The following GALNT18 variants were observed in gnomAD, a reference collection of about 807,000 sequenced individuals.
GALNT18 encodes the protein polypeptide N-acetylgalactosaminyltransferase 18, also known as GalNAc-transferase 18.
Under a neutral mutation model 69.5 loss-of-function variants are expected in GALNT18, and 44 were observed. That is an observed-to-expected ratio of 0.63 (90% CI 0.50 to 0.81). GALNT18 has a LOEUF of 0.81. Among genes scored for constraint, GALNT18 ranks in the 40% least tolerant of loss-of-function variants. The pLI, the probability that GALNT18 is intolerant of heterozygous loss-of-function variation, is 0.00. For missense variants in GALNT18, 715 were observed against 810.0 expected (o/e 0.88, Z 1.42); for synonymous variants, 364 against 318.2 (o/e 1.14, Z -1.53).
chr11:11,283,026 G>A (rs972647724), intron 10 of GALNT18, among the ~76,000 whole-genome samples: 11 of 152,182 alleles, frequency 7.2e-5, no homozygotes, highest in Non-Finnish European at 1.5e-4. Flanking sequence ...CAAGGGCAAG[G>A]AGGGGAGGAG....
In GALNT18 at chr11:11,564,624, T is replaced by C. The variant is rs556379499; in HGVS notation, c.235+56735A>G. Among the ~76,000 whole-genome samples, 3 of 152,184 alleles carry C rather than the reference T, an allele frequency of 2.0e-5. No individual in the cohort carries two copies. In the South Asian group the frequency reaches 6.2e-4, roughly 32 times the overall value. On this transcript the variant is annotated intron_variant, in intron 1 of 10. Coordinates refer to ENST00000227756, the MANE Select transcript of GALNT18 (RefSeq NM_198516.3). This position sits in a 1 kb window ranked among gnomAD's most constrained non-coding sequence, Gnocchi z 4.3. ...AGGCAGCCCCCAATTCCAGAACAAA[T>C]TGGTAGCTAATGATGTTGGTTGGAA...
At chr11:11,373,725 C>T (rs1380387458) in intron 5 of GALNT18, among the ~76,000 whole-genome samples, 3 of 152,218 alleles carry the variant, frequency 2.0e-5, no homozygotes, top group African/African-American at 7.2e-5. Context: ...CCCAGTGCAG[C>T]ACCTCACAGA....
chr11:11,478,679 A>G (rs1856454533), intron 1 of GALNT18, among the ~76,000 whole-genome samples: 1 of 152,256 alleles, frequency 6.6e-6, no homozygotes, highest in African/African-American at 2.4e-5. Context: ...GCAAATATTA[A>G]TATGACTGTG....
intron 9 of GALNT18, among the ~76,000 whole-genome samples, chr11:11,299,807 C>G (rs148375126): frequency 6.6e-6 from 1 of 152,366 alleles, no homozygotes; most frequent in African/African-American, 2.4e-5. Flanking sequence ...AGAATGACTT[C>G]TTTTCCTTTC....
At chr11:11,594,884 A>T (rs1368420382) in intron 1 of GALNT18, among the ~76,000 whole-genome samples, 4 of 137,702 alleles carry the variant, frequency 2.9e-5, no homozygotes, top group East Asian at 2.1e-4. Context: ...TATATATAAA[A>T]AATCTACATA....
chr11:11,537,908 T>C (rs1040687413), intron 1 of GALNT18, among the ~76,000 whole-genome samples: 1 of 152,144 alleles, frequency 6.6e-6, no homozygotes. Flanking sequence ...TTGGGAAATA[T>C]GACCTGGCCT....
At chr11:11,321,664 G>C (rs543375873) in intron 9 of GALNT18, among the ~76,000 whole-genome samples, 1 of 152,168 alleles carries the variant, frequency 6.6e-6, no homozygotes. Context: ...GGGCAGTGGC[G>C]CAGTCTCAGC....
intron 10 of GALNT18, among the ~76,000 whole-genome samples, chr11:11,282,308 T>C (rs1450892110): frequency 6.6e-6 from 1 of 152,216 alleles, no homozygotes; most frequent in African/African-American, 2.4e-5. Flanking sequence ...TACTTCTGCC[T>C]GCAGGTTCTG....
rs911825546 is a variant in GALNT18, at chr11:11,402,485, A to G, written c.596-23221T>C. 6.6e-6 allele frequency among the ~76,000 whole-genome samples: 1 copy of G among 152,210 alleles called. No individual in the cohort carries two copies. Among genetic ancestry groups the G allele is most frequent in the Non-Finnish European group, 1.5e-5 (1 of 68,038 alleles). On this transcript the variant is annotated intron_variant, in intron 3 of 10. Transcript: ENST00000227756. This position sits in a 1 kb window ranked among gnomAD's most constrained non-coding sequence, Gnocchi z 4.0. ...TGCTGGGCAGAACTTTTCAGCAACA[A>G]AAAGCAAAATGATGAGCTTCTTTTG... is the stretch of plus-strand genomic sequence containing the variant.
At chr11:11,490,528 C>T (rs1856746311) in intron 1 of GALNT18, among the ~76,000 whole-genome samples, 1 of 152,054 alleles carries the variant, frequency 6.6e-6, no homozygotes, top group Non-Finnish European at 1.5e-5. Context: ...ATAATACATG[C>T]CAAATATGAT....
At chr11:11,468,108 T>A (rs951380912) in intron 1 of GALNT18, among the ~76,000 whole-genome samples, 2 of 152,242 alleles carry the variant, frequency 1.3e-5, no homozygotes, top group African/African-American at 4.8e-5. Flanking sequence ...AATACTGTAA[T>A]CCTTTTATAT....
chr11:11,596,642 G>C lies in GALNT18; in HGVS notation c.235+24717C>G, dbSNP rs1047602733. Among the ~76,000 whole-genome samples, 3 of 151,794 alleles carry C rather than the reference G, an allele frequency of 2.0e-5. No homozygotes were observed. Among genetic ancestry groups the C allele is most frequent in the Non-Finnish European group, 4.4e-5 (3 of 67,910 alleles). ...ATTCCATTATACATGATTTTTTATAGTTTGTTTTCAGATCGCCCACTGATA... is the reference window on the plus strand; with the variant it reads ...ATTCCATTATACATGATTTTTTATACTTTGTTTTCAGATCGCCCACTGATA... On this transcript the variant is annotated intron_variant, in intron 1 of 10. Transcript: ENST00000227756. The surrounding 1 kb of genome is among the most constrained non-coding windows in gnomAD (Gnocchi z 4.2).
chr11:11,535,894 T>C (rs1012820748), intron 1 of GALNT18, among the ~76,000 whole-genome samples: 16 of 152,192 alleles, frequency 1.1e-4, no homozygotes, highest in African/African-American at 3.9e-4. Flanking sequence ...TTCCTGCCTG[T>C]TCCTCACTTC....
intron 10 of GALNT18, among the ~76,000 whole-genome samples, chr11:11,274,587 C>T (rs55751123): frequency 0.054 from 8,221 of 152,250 alleles, 294 homozygotes; most frequent in Middle Eastern, 0.17. Context: ...TTCTGAGGTA[C>T]ATGTGCAGAA....
intron 6 of GALNT18, among the ~76,000 whole-genome samples, chr11:11,348,261 C>G (rs1023052858): frequency 1.3e-5 from 2 of 151,824 alleles, no homozygotes; most frequent in East Asian, 3.9e-4. Flanking sequence ...GCCTGTAATC[C>G]CAGCTACTCA....
intron 1 of GALNT18, among the ~76,000 whole-genome samples, chr11:11,599,582 A>C (rs538449546): frequency 7.0e-4 from 107 of 152,130 alleles, no homozygotes; most frequent in African/African-American, 2.5e-3. Flanking sequence ...TGGATCATTT[A>C]ATCCATTCAT....
chr11:11,537,619 G>A (rs1365796080), intron 1 of GALNT18, among the ~76,000 whole-genome samples: 1 of 152,104 alleles, frequency 6.6e-6, no homozygotes, highest in East Asian at 1.9e-4. Flanking sequence ...AAGCTGACTG[G>A]GTCTGGAGGA....
intron 1 of GALNT18, among the ~76,000 whole-genome samples, chr11:11,570,884 T>A (rs1858779075): frequency 6.6e-6 from 1 of 152,182 alleles, no homozygotes; most frequent in Admixed American, 6.5e-5. Flanking sequence ...CTCCAAATTA[T>A]CCCCACATCT....
At position 11,317,772 on chromosome 11, in the gene GALNT18, A is replaced by G. The variant is rs145583165; in HGVS notation, c.1512+9314T>C. On this transcript the variant is annotated intron_variant, in intron 9 of 10. Transcript: ENST00000227756. ...AATTTTTGTTTTTTATTGCCAGACCAAGCTTCTTCTTCAAGGAAAATGAAA... is the reference window on the plus strand; with the variant it reads ...AATTTTTGTTTTTTATTGCCAGACCGAGCTTCTTCTTCAAGGAAAATGAAA... Among the ~76,000 whole-genome samples the G allele has an allele frequency of 3.5e-3, 538 of 152,316 alleles. 3 individuals are homozygous for G. Among genetic ancestry groups the G allele is most frequent in the African/African-American group, 0.013 (520 of 41,562 alleles).
Sources: allele counts gnomAD v4.1 joint callset (sites outside exome capture counted in the v4.1 genomes callset), GRCh38; gene constraint gnomAD v4.1.1; non-coding constraint Gnocchi (gnomAD v3.1); transcripts MANE v1.5; gene names NCBI Gene and HGNC (gene_info 2026-07-23, HGNC 2026-07-21).